The following GPHN variants were observed in gnomAD, a reference collection of about 807,000 sequenced individuals.
The protein encoded by GPHN is gephyrin.
GPHN carries 17 observed loss-of-function variants against 95.5 expected under a neutral mutation model. The ratio of observed to expected loss-of-function variants is 0.18; its 90% CI spans 0.12 to 0.27. The LOEUF is 0.27. Among genes scored for constraint, GPHN ranks in the 10% least tolerant of loss-of-function variants. The probability of loss-of-function intolerance (pLI) is 1.00; values close to 1 mark genes in which losing one functional copy is unlikely to be tolerated. For missense variants in GPHN, 660 were observed against 978.1 expected, an observed-to-expected ratio of 0.67 and a Z score of 4.34; for synonymous variants, 320 against 322.5, an observed-to-expected ratio of 0.99 and a Z score of 0.08.
chr14:66,961,172 C>A (rs72730426), intron 8 of GPHN, among the ~76,000 whole-genome samples: 3 of 152,004 alleles, frequency 2.0e-5, no homozygotes, highest in Admixed American at 2.0e-4. Context: ...GGACTGTTGT[C>A]TTCAAGGCCA....
chr14:67,378,962 T>C, the GPHN span, among the ~76,000 whole-genome samples: 3 of 152,246 alleles, frequency 2.0e-5, no homozygotes, highest in South Asian at 6.2e-4. Context: ...TTATTTAAAA[T>C]GTAACCTATT....
intron 1 of GPHN, among the ~76,000 whole-genome samples, chr14:66,587,862 C>A (rs1414774377): frequency 6.6e-6 from 1 of 152,132 alleles, no homozygotes; most frequent in Non-Finnish European, 1.5e-5. Context: ...AGCAGCAGAT[C>A]CCCCAGCACA....
At chr14:67,646,640 A>G in the GPHN span, 1 of 1,598,520 alleles carries the variant, frequency 6.3e-7, no homozygotes, top group South Asian at 1.1e-5. Flanking sequence ...TCTCCCTTTC[A>G]TAGGTACCAC....
At chr14:67,573,193 C>A in the GPHN span, 1 of 811,236 alleles carries the variant, frequency 1.2e-6, no homozygotes. This position sits in a 1 kb window ranked among gnomAD's most constrained non-coding sequence, Gnocchi z 4.8. Context: ...AGTAGTGAGG[C>A]AGCTGGACCA....
the GPHN span, among the ~76,000 whole-genome samples, chr14:67,298,107 G>C: frequency 6.6e-6 from 1 of 151,992 alleles, no homozygotes; most frequent in African/African-American, 2.4e-5. Context: ...GAAAGAATCA[G>C]ATGGTGATGG....
At chr14:66,704,182 G>A (rs1399490719) in intron 2 of GPHN, among the ~76,000 whole-genome samples, 1 of 151,964 alleles carries the variant, frequency 6.6e-6, no homozygotes, top group Admixed American at 6.6e-5. Flanking sequence ...AGTTGCTAGA[G>A]ACCTGAAAAA....
chr14:66,660,094 T>A (rs934034232), intron 1 of GPHN, among the ~76,000 whole-genome samples: 1 of 151,990 alleles, frequency 6.6e-6, no homozygotes, highest in African/African-American at 2.4e-5. Flanking sequence ...TATTGGTTAC[T>A]CTAGTGTATG....
chr14:67,031,819 G>A (rs553377571), intron 10 of GPHN, among the ~76,000 whole-genome samples: 18 of 151,534 alleles, frequency 1.2e-4, no homozygotes, highest in African/African-American at 2.7e-4. Context: ...TATTTTTCTC[G>A]GTTATCACCT....
chr14:66,911,733 T>C (rs1489075928), intron 5 of GPHN, among the ~76,000 whole-genome samples: 2 of 152,072 alleles, frequency 1.3e-5, no homozygotes, highest in African/African-American at 4.8e-5. Context: ...ACATAGAATA[T>C]TGAACTTCTA....
At chr14:67,702,820 G>T in the GPHN span, among the ~76,000 whole-genome samples, 7 of 151,820 alleles carry the variant, frequency 4.6e-5, no homozygotes, top group South Asian at 2.1e-4. Context: ...TTTATTTTTT[G>T]ATTTGTCTTT....
At chr14:67,509,697 A>C in the GPHN span, among the ~76,000 whole-genome samples, 3 of 152,142 alleles carry the variant, frequency 2.0e-5, no homozygotes, top group Admixed American at 6.5e-5. Context: ...ATCTGATCCA[A>C]GCTTATAAAA....
At chr14:67,724,479 CT>C in the GPHN span, 1 of 1,570,384 alleles carries the variant, frequency 6.4e-7, no homozygotes, top group Non-Finnish European at 8.7e-7. Flanking sequence ...ATAGGAAGTT[CT>C]TTGCTGGTGG....
chr14:66,596,422 C>T (rs2061975556), intron 1 of GPHN, among the ~76,000 whole-genome samples: 1 of 152,110 alleles, frequency 6.6e-6, no homozygotes, highest in South Asian at 2.1e-4. Context: ...TCCACGGTGC[C>T]CATGGTGCCC....
chr14:67,332,471 T>TA, the GPHN span, among the ~76,000 whole-genome samples: 3 of 152,228 alleles, frequency 2.0e-5, no homozygotes, highest in Non-Finnish European at 2.9e-5. Flanking sequence ...CAAATGTTTG[T>TA]AGGGAAACAG....
At chr14:67,098,585 G>A (rs999607198) in intron 12 of GPHN, among the ~76,000 whole-genome samples, 3 of 152,102 alleles carry the variant, frequency 2.0e-5, no homozygotes, top group Middle Eastern at 3.4e-3. Context: ...CGAGGCAGGC[G>A]GATCACCTGA....
At chr14:67,416,268 C>T in the GPHN span, among the ~76,000 whole-genome samples, 1 of 152,218 alleles carries the variant, frequency 6.6e-6, no homozygotes, top group Admixed American at 6.5e-5. Flanking sequence ...CTTGCGTAAG[C>T]TGTGTGTTAT....
chr14:67,464,076 G>A, the GPHN span, among the ~76,000 whole-genome samples: 2 of 149,946 alleles, frequency 1.3e-5, no homozygotes, highest in Non-Finnish European at 1.5e-5. Flanking sequence ...ATGTGTGAGA[G>A]TGTGTGTGTG....
chr14:67,568,955 C>G, the GPHN span: 1 of 572,434 alleles, frequency 1.7e-6, no homozygotes, highest in African/African-American at 1.9e-5. Flanking sequence ...GTATTATTAC[C>G]TCCATTTAGA....
the GPHN span, among the ~76,000 whole-genome samples, chr14:67,394,484 C>T: frequency 6.6e-6 from 1 of 152,184 alleles, no homozygotes; most frequent in African/African-American, 2.4e-5. Flanking sequence ...ACCCCCTCAG[C>T]TACTTTTCCA....
Sources: allele counts gnomAD v4.1 joint callset (sites outside exome capture counted in the v4.1 genomes callset), GRCh38; gene constraint gnomAD v4.1.1; non-coding constraint Gnocchi (gnomAD v3.1); transcripts MANE v1.5; gene names NCBI Gene and HGNC (gene_info 2026-07-23, HGNC 2026-07-21).